Variants in SHISAL1 observed in about 807,000 individuals in gnomAD.
SHISAL1 encodes the protein protein shisa-like-1.
In SHISAL1, 9 loss-of-function variants were observed where a neutral mutation model predicts 22.6. The ratio of observed to expected loss-of-function variants is 0.40; its 90% CI spans 0.24 to 0.70. SHISAL1 has a LOEUF of 0.70. SHISAL1 is among the 30% of genes least tolerant of loss of function. The probability of loss-of-function intolerance (pLI) is 0.39; values close to 1 mark genes in which losing one functional copy is unlikely to be tolerated. For synonymous variants in SHISAL1, 119 were observed against 115.4 expected, an observed-to-expected ratio of 1.03 and a Z score of -0.20; for missense variants, 246 against 270.6, an observed-to-expected ratio of 0.91 and a Z score of 0.64.
chr22:44,311,457 C>T lies in SHISAL1; in HGVS notation c.-33+1294G>A, dbSNP rs2055517856. Among the ~76,000 whole-genome samples, 3 of 152,368 alleles carry T rather than the reference C, an allele frequency of 2.0e-5. No homozygotes were observed. In the South Asian group the frequency reaches 6.2e-4, roughly 32 times the overall value. Reference sequence around the variant, plus strand: ...CTGACACCTTTCCCTGCTGAATCCACCATGCCCCAGCCAGCTGGGCTCTGA... The same window carrying T: ...CTGACACCTTTCCCTGCTGAATCCATCATGCCCCAGCCAGCTGGGCTCTGA... On this transcript the variant is annotated intron_variant, in intron 1 of 4. Coordinates refer to ENST00000381176, the MANE Select transcript of SHISAL1 (RefSeq NM_001099294.2).
At position 44,274,827 on chromosome 22, in the gene SHISAL1, AAAT is replaced by A. The variant is rs569737370; in HGVS notation, c.599+10598_599+10600del. ...TTTCTTTTCCTATTTTTTACTCCTC[AAAT>A]AATAGTCGCAATAATAATCACAGTT... On this transcript the variant is annotated intron_variant, in intron 4 of 4. Transcript: ENST00000381176. 1.5e-3 allele frequency among the ~76,000 whole-genome samples: 231 copies of A among 152,326 alleles called. 2 individuals are homozygous for A. The highest frequency in any genetic ancestry group is 5.4e-3 in the African/African-American group (223 of 41,566).
intron 1 of SHISAL1, among the ~76,000 whole-genome samples, chr22:44,303,959 G>A (rs1157710004): frequency 3.3e-5 from 5 of 152,090 alleles, no homozygotes; most frequent in Non-Finnish European, 2.9e-5. Context: ...CCAGGAGGAC[G>A]GTTTCAGAGT....
chr22:44,261,152 TA>T (rs67889344), intron 4 of SHISAL1, among the ~76,000 whole-genome samples: 7 of 140,500 alleles, frequency 5.0e-5, no homozygotes, highest in Admixed American at 7.1e-5. Flanking sequence ...CAATGACTTT[TA>T]AAAAAAAAAA....
At chr22:44,324,803 G>A in the SHISAL1 span, among the ~76,000 whole-genome samples, 6 of 152,296 alleles carry the variant, frequency 3.9e-5, no homozygotes, top group South Asian at 1.2e-3. Flanking sequence ...GTTGTCCTGA[G>A]GATAGGGCTC....
chr22:44,272,268 T>A (rs1256396041), intron 4 of SHISAL1, among the ~76,000 whole-genome samples: 2 of 152,184 alleles, frequency 1.3e-5, no homozygotes, highest in African/African-American at 4.8e-5. Flanking sequence ...ATTCCAGAAG[T>A]GTGTCTTCAA....
At chr22:44,324,283 G>A in the SHISAL1 span, among the ~76,000 whole-genome samples, 2 of 152,182 alleles carry the variant, frequency 1.3e-5, no homozygotes, top group African/African-American at 4.8e-5. Context: ...CAGAACCCAG[G>A]CTCCAAAGCT....
intron 2 of SHISAL1, among the ~76,000 whole-genome samples, chr22:44,298,236 C>T (rs2055401417): frequency 6.6e-6 from 1 of 152,188 alleles, no homozygotes; most frequent in Admixed American, 6.5e-5. Flanking sequence ...TTAGAGAGCC[C>T]CAAGTAGACA....
chr22:44,260,571 C>T (rs1439535867), intron 4 of SHISAL1, among the ~76,000 whole-genome samples: 1 of 152,212 alleles, frequency 6.6e-6, no homozygotes. Flanking sequence ...GAAGCCTTTG[C>T]TTGGTTTCCC....
At chr22:44,255,334 T>C (rs1415088928) in intron 4 of SHISAL1, among the ~76,000 whole-genome samples, 1 of 152,166 alleles carries the variant, frequency 6.6e-6, no homozygotes, top group Non-Finnish European at 1.5e-5. Flanking sequence ...ATTTAATAGA[T>C]ACCTCAAACT....
At chr22:44,286,756 C>T (rs1016936112) in intron 3 of SHISAL1, among the ~76,000 whole-genome samples, 2 of 152,184 alleles carry the variant, frequency 1.3e-5, no homozygotes, top group African/African-American at 2.4e-5. Flanking sequence ...CAAGTCTCCC[C>T]GACCTGTGCC....
intron 4 of SHISAL1, among the ~76,000 whole-genome samples, chr22:44,255,597 G>T (rs1369619379): frequency 5.9e-5 from 9 of 152,210 alleles, no homozygotes; most frequent in Non-Finnish European, 4.4e-5. Context: ...GTCCAGGCTG[G>T]CAGGATTCTT....
chr22:44,261,595 C>A (rs1481071981), intron 4 of SHISAL1, among the ~76,000 whole-genome samples: 1 of 152,252 alleles, frequency 6.6e-6, no homozygotes, highest in South Asian at 2.1e-4. Flanking sequence ...CACTGCTGCC[C>A]AGTGGGGCTA....
intron 4 of SHISAL1, among the ~76,000 whole-genome samples, chr22:44,250,604 G>T (rs559549548): frequency 4.6e-5 from 7 of 152,310 alleles, no homozygotes; most frequent in South Asian, 2.1e-4. Context: ...GCAAGCAGGG[G>T]TGGTCACATG....
At chr22:44,308,966 T>C (rs925393594) in intron 1 of SHISAL1, among the ~76,000 whole-genome samples, 4 of 152,180 alleles carry the variant, frequency 2.6e-5, no homozygotes, top group African/African-American at 9.7e-5. Flanking sequence ...GCATTCTGGG[T>C]GTGAAGCGGC....
chr22:44,287,808 C>T (rs2055326733), intron 3 of SHISAL1, among the ~76,000 whole-genome samples: 1 of 152,116 alleles, frequency 6.6e-6, no homozygotes, highest in Non-Finnish European at 1.5e-5. Context: ...GGAGTCAGGC[C>T]TGGCTCCAGT....
At chr22:44,305,608 G>A (rs2055465038) in intron 1 of SHISAL1, among the ~76,000 whole-genome samples, 1 of 152,224 alleles carries the variant, frequency 6.6e-6, no homozygotes. Flanking sequence ...TCCCAGCCCT[G>A]CGGGACACCA....
chr22:44,318,228 A>G, the SHISAL1 span, among the ~76,000 whole-genome samples: 1 of 152,274 alleles, frequency 6.6e-6, no homozygotes, highest in African/African-American at 2.4e-5. Context: ...CATCCCTTAT[A>G]ACGGGGAGAA....
At position 44,249,447 on chromosome 22, in the gene SHISAL1, T is replaced by C. The variant is rs1265754704; in HGVS notation, c.*238A>G. 4.1e-6 allele frequency: 2 copies of C among 492,640 alleles called. No individual in the cohort carries two copies. The highest frequency in any genetic ancestry group is 5.8e-5 in the South Asian group (2 of 34,748). 30.5% of individuals were successfully genotyped at this position (492,640 alleles called of 1,614,324 possible). On this transcript the variant is annotated 3_prime_UTR_variant, in exon 5 of 5. Transcript: ENST00000381176. ...AGCCACCAGCCCAAAATAGGACTAT[T>C]GCTTGCGGACAGGTGGCTCAGAATC...
At chr22:44,330,772 G>A in the SHISAL1 span, among the ~76,000 whole-genome samples, 1 of 152,112 alleles carries the variant, frequency 6.6e-6, no homozygotes, top group East Asian at 1.9e-4. Context: ...TGGCAACCAC[G>A]GGCACTAATG....
Sources: allele counts gnomAD v4.1 joint callset (sites outside exome capture counted in the v4.1 genomes callset), GRCh38; gene constraint gnomAD v4.1.1; transcripts MANE v1.5; gene names NCBI Gene and HGNC (gene_info 2026-07-23, HGNC 2026-07-21).